Variants in CACNB4 observed in about 807,000 individuals in gnomAD.
CACNB4 encodes calcium voltage-gated channel auxiliary subunit beta 4.
A neutral mutation model predicts 71.2 loss-of-function variants in CACNB4; 32 were observed. The observed-to-expected ratio is 0.45, with a 90% CI of 0.34 to 0.60. The LOEUF (loss-of-function observed/expected upper bound fraction) is 0.60. CACNB4 is among the 20% of genes least tolerant of loss of function. CACNB4 has a pLI of 0.01. For missense variants in CACNB4, 464 were observed against 647.9 expected, an observed-to-expected ratio of 0.72 and a Z score of 3.08; for synonymous variants, 231 against 236.9, an observed-to-expected ratio of 0.97 and a Z score of 0.23.
chr2:152,041,501 T>C (rs1684871567), intron 2 of CACNB4, among the ~76,000 whole-genome samples: 1 of 152,212 alleles, frequency 6.6e-6, no homozygotes, highest in African/African-American at 2.4e-5. Context: ...AGGTAGGCAG[T>C]TGGCCAGGCC....
intron 4 of CACNB4, among the ~76,000 whole-genome samples, chr2:151,879,090 G>A (rs115194404): frequency 2.0e-3 from 304 of 152,228 alleles, no homozygotes; most frequent in South Asian, 7.7e-3. Context: ...TTAGAATCTT[G>A]GGTGCATAGG....
rs185623468 is a variant in CACNB4, at chr2:151,921,254, C to T, written c.148-37884G>A. ...CTTCACAAACATTATCCCATGAAAA[C>T]AAGGCATAGTTTCATCATCTAAAAA... On this transcript the variant is annotated intron_variant, in intron 2 of 13. Coordinates refer to ENST00000539935, the MANE Select transcript of CACNB4 (RefSeq NM_000726.5). Among the ~76,000 whole-genome samples the T allele has an allele frequency of 3.8e-3, 579 of 150,788 alleles. 4 individuals carry two copies. The highest frequency in any genetic ancestry group is 0.013 in the African/African-American group (542 of 41,336).
intron 2 of CACNB4, among the ~76,000 whole-genome samples, chr2:152,004,279 C>T (rs1638813269): frequency 6.6e-6 from 1 of 152,100 alleles, no homozygotes; most frequent in South Asian, 2.1e-4. Flanking sequence ...CTCTACCTAC[C>T]CACTGCCCTG....
At chr2:151,841,417 A>G (rs1174278180) in intron 13 of CACNB4, among the ~76,000 whole-genome samples, 1 of 147,606 alleles carries the variant, frequency 6.8e-6, no homozygotes, top group Non-Finnish European at 1.5e-5. Flanking sequence ...TGTCTCTACA[A>G]TTTTTTTTTT....
chr2:151,944,484 GAGACATGATAAAAGTTAC>G (rs1011205488), intron 2 of CACNB4, among the ~76,000 whole-genome samples: 2 of 152,152 alleles, frequency 1.3e-5, no homozygotes, highest in Non-Finnish European at 2.9e-5. Flanking sequence ...AAACAGGAGA[GAGACATGATAAAAGTTAC>G]AACTGAAGGC....
chr2:152,061,905 G>A (rs145236464), intron 2 of CACNB4, among the ~76,000 whole-genome samples: 2,564 of 151,728 alleles, frequency 0.017, 76 homozygotes, highest in African/African-American at 0.059. Flanking sequence ...CCAGCTACTC[G>A]GGAGGCTGAG....
At chr2:152,021,852 A>C (rs1226257086) in intron 2 of CACNB4, among the ~76,000 whole-genome samples, 1 of 152,238 alleles carries the variant, frequency 6.6e-6, no homozygotes, top group African/African-American at 2.4e-5. Context: ...AAGAAAGGAT[A>C]CAGCTTATTC....
intron 5 of CACNB4, 53 bp downstream of exon 5, chr2:151,876,373 T>C: frequency 6.5e-7 from 1 of 1,527,242 alleles, no homozygotes; most frequent in Admixed American, 1.8e-5. Flanking sequence ...CCCTTGAAAA[T>C]ATCACCCAAT....
chr2:151,888,381 G>C (rs2151469499), intron 2 of CACNB4, among the ~76,000 whole-genome samples: 1 of 152,114 alleles, frequency 6.6e-6, no homozygotes, highest in South Asian at 2.1e-4. Context: ...AGGTCACATA[G>C]TAAGGCCCCA....
At chr2:152,064,276 T>A (rs73000934) in intron 2 of CACNB4, among the ~76,000 whole-genome samples, 6,883 of 152,348 alleles carry the variant, frequency 0.045, 507 homozygotes, top group African/African-American at 0.16. Flanking sequence ...AAACATTTGC[T>A]GGAGTGCAGG....
chr2:151,920,874 C>T (rs1416237936), intron 2 of CACNB4, among the ~76,000 whole-genome samples: 2 of 152,126 alleles, frequency 1.3e-5, no homozygotes, highest in Non-Finnish European at 2.9e-5. Context: ...CACGGTGACT[C>T]ACGCCTGTAA....
chr2:151,964,081 A>ATAAT (rs2099870393), intron 2 of CACNB4, among the ~76,000 whole-genome samples: 1 of 151,508 alleles, frequency 6.6e-6, no homozygotes, highest in Non-Finnish European at 1.5e-5. Flanking sequence ...AAAAAAAAAA[A>ATAAT]AAAAAAAAAG....
chr2:151,872,794 A>ACCAGT (rs2099844974), intron 5 of CACNB4: 1 of 212,348 alleles, frequency 4.7e-6, no homozygotes, highest in African/African-American at 2.3e-5. Context: ...TTAACCTAAC[A>ACCAGT]CCAGGCACCA....
At chr2:151,945,611 A>C (rs1293645661) in intron 2 of CACNB4, among the ~76,000 whole-genome samples, 1 of 152,190 alleles carries the variant, frequency 6.6e-6, no homozygotes, top group Non-Finnish European at 1.5e-5. Flanking sequence ...TGATTGCACC[A>C]CCACACTCCA....
intron 2 of CACNB4, among the ~76,000 whole-genome samples, chr2:152,040,714 T>C (rs1684831790): frequency 6.6e-6 from 1 of 152,196 alleles, no homozygotes; most frequent in African/African-American, 2.4e-5. Flanking sequence ...GTGCTAGGAT[T>C]ACAGGCGTGA....
At chr2:152,053,812 A>G (rs1329264012) in intron 2 of CACNB4, among the ~76,000 whole-genome samples, 1 of 152,130 alleles carries the variant, frequency 6.6e-6, no homozygotes, top group East Asian at 1.9e-4. Flanking sequence ...GGCATGAGCC[A>G]TCACACCTGG....
At chr2:151,967,073 G>C (rs1342268373) in intron 2 of CACNB4, 1 of 139,906 alleles carries the variant, frequency 7.1e-6, no homozygotes, top group Admixed American at 7.5e-5. Context: ...TTTGAGACAG[G>C]GTCTCATTCT....
chr2:152,043,772 T>C (rs183886156), intron 2 of CACNB4, among the ~76,000 whole-genome samples: 104 of 152,314 alleles, frequency 6.8e-4, no homozygotes, highest in Non-Finnish European at 1.2e-4. Context: ...GTTAAATAAA[T>C]TGACTGATAG....
chr2:151,967,992 A>G (rs2099871594), intron 2 of CACNB4: 1 of 152,216 alleles, frequency 6.6e-6, no homozygotes, highest in Admixed American at 6.5e-5. Flanking sequence ...TAGATGTCAA[A>G]AATTGTCACG....
Sources: allele counts gnomAD v4.1 joint callset (sites outside exome capture counted in the v4.1 genomes callset), GRCh38; gene constraint gnomAD v4.1.1; transcripts MANE v1.5; gene names NCBI Gene and HGNC (gene_info 2026-07-23, HGNC 2026-07-21).